Variants in FYN observed in about 807,000 individuals in gnomAD.
FYN encodes FYN proto-oncogene, Src family tyrosine kinase.
In FYN, 10 loss-of-function variants were observed where a neutral mutation model predicts 70.2. The ratio of observed to expected loss-of-function variants is 0.14; its 90% CI spans 0.09 to 0.24. FYN has a LOEUF of 0.24. Among genes scored for constraint, FYN ranks in the 10% least tolerant of loss-of-function variants. The pLI is 1.00. For synonymous variants in FYN, 236 were observed against 248.6 expected (o/e 0.95, Z 0.48); for missense variants, 319 against 673.1 (o/e 0.47, Z 5.82).
intron 2 of FYN, among the ~76,000 whole-genome samples, chr6:111,796,305 C>T (rs544288269): frequency 6.6e-6 from 1 of 152,320 alleles, no homozygotes; most frequent in African/African-American, 2.4e-5. Context: ...CCTAAGATTA[C>T]AATGCTGATA....
chr6:111,719,725 A>G, intron 4 of FYN, 80 bp downstream of exon 4: 1 of 1,501,672 alleles, frequency 6.7e-7, no homozygotes, highest in Non-Finnish European at 9.1e-7. Context: ...AAGGGAAGTG[A>G]TGGGAACCCA....
At chr6:111,755,797 T>G (rs1301644505) in intron 3 of FYN, among the ~76,000 whole-genome samples, 1 of 152,130 alleles carries the variant, frequency 6.6e-6, no homozygotes, top group Non-Finnish European at 1.5e-5. Context: ...AAGAAATAAT[T>G]ATGGTAATTA....
intron 3 of FYN, among the ~76,000 whole-genome samples, chr6:111,729,508 C>T (rs1175989603): frequency 6.0e-5 from 9 of 150,600 alleles, no homozygotes; most frequent in Non-Finnish European, 1.0e-4. Context: ...GGTGGCATGT[C>T]CTTTAACCTG....
intron 2 of FYN, among the ~76,000 whole-genome samples, chr6:111,811,209 T>A (rs1346657707): frequency 2.0e-5 from 3 of 152,222 alleles, no homozygotes; most frequent in African/African-American, 7.2e-5. Flanking sequence ...CTGTATGATT[T>A]CATTTATGAA....
At position 111,694,598 on chromosome 6, in the gene FYN, T is replaced by C. The variant is rs1040286611; in HGVS notation, c.1119+30A>G. On this transcript the variant is annotated intron_variant, in intron 11 of 13. Transcript: ENST00000354650. The surrounding 1 kb of genome is among the most constrained non-coding windows in gnomAD (Gnocchi z 5.0). ...GTACTTAGACACGTCATTAAATCTATGGCACATCAAGTTACCCTGCAGGGC... is the reference window on the plus strand; with the variant it reads ...GTACTTAGACACGTCATTAAATCTACGGCACATCAAGTTACCCTGCAGGGC... The C allele has an allele frequency of 1.6e-5, 26 of 1,613,808 alleles. No individual in the cohort carries two copies. Among genetic ancestry groups the C allele is most frequent in the Non-Finnish European group, 2.0e-5 (24 of 1,179,756 alleles).
chr6:111,809,966 G>C (rs1772272038), intron 2 of FYN, among the ~76,000 whole-genome samples: 1 of 152,148 alleles, frequency 6.6e-6, no homozygotes, highest in East Asian at 1.9e-4. Context: ...TTAGGTTTTA[G>C]TTCTAACTGC....
chr6:111,692,098 AT>A (rs558926434), intron 12 of FYN, among the ~76,000 whole-genome samples: 18 of 129,252 alleles, frequency 1.4e-4, no homozygotes, highest in South Asian at 2.9e-4. Flanking sequence ...GCCAAGCTTC[AT>A]TTCCCCCCCC....
At chr6:111,832,802 A>C (rs1773062670) in intron 2 of FYN, among the ~76,000 whole-genome samples, 1 of 152,172 alleles carries the variant, frequency 6.6e-6, no homozygotes, top group South Asian at 2.1e-4. Flanking sequence ...AATACTAGTC[A>C]ATATATAATT....
chr6:111,848,614 C>T (rs1336800560), intron 1 of FYN, among the ~76,000 whole-genome samples: 1 of 152,162 alleles, frequency 6.6e-6, no homozygotes, highest in East Asian at 1.9e-4. Context: ...AAAAGGAGGA[C>T]ACCACAGCTT....
chr6:111,749,381 A>C (rs376337878), intron 3 of FYN, among the ~76,000 whole-genome samples: 164 of 152,340 alleles, frequency 1.1e-3, no homozygotes, highest in African/African-American at 3.8e-3. Flanking sequence ...TGCTTGCTCT[A>C]TGTACCCCAA....
chr6:111,804,544 T>C (rs1360104352), intron 2 of FYN, among the ~76,000 whole-genome samples: 1 of 152,196 alleles, frequency 6.6e-6, no homozygotes, highest in Non-Finnish European at 1.5e-5. Flanking sequence ...GTAGCTGGAT[T>C]TTGGAAACAA....
intron 3 of FYN, among the ~76,000 whole-genome samples, chr6:111,765,007 G>C (rs754154897): frequency 4.6e-5 from 7 of 151,850 alleles, no homozygotes; most frequent in Non-Finnish European, 1.0e-4. Flanking sequence ...CGTCTTTGTG[G>C]GCTGGGATCA....
intron 3 of FYN, among the ~76,000 whole-genome samples, chr6:111,753,133 G>A (rs1192427340): frequency 6.6e-6 from 1 of 152,204 alleles, no homozygotes; most frequent in Non-Finnish European, 1.5e-5. Flanking sequence ...CATGATATAT[G>A]AAAGACAAGC....
intron 2 of FYN, among the ~76,000 whole-genome samples, chr6:111,839,693 A>C (rs73766764): frequency 0.031 from 4,775 of 152,274 alleles, 245 homozygotes; most frequent in African/African-American, 0.11. Flanking sequence ...CTAATGCAAG[A>C]AAGTTATAAG....
intron 13 of FYN, among the ~76,000 whole-genome samples, chr6:111,662,849 T>C (rs1250734854): frequency 6.6e-6 from 1 of 152,210 alleles, no homozygotes; most frequent in Admixed American, 6.5e-5. Flanking sequence ...AGATAGACCA[T>C]GTCCGGGGCC....
Position 111,674,643 on chromosome 6 carries a change from C to T in FYN, c.1274-13G>A. ...GGGAACTTTGCACCTGCAGAATGAACACTTGGTTATTCATCAGGCAGAGGG... is the reference window on the plus strand; with the variant it reads ...GGGAACTTTGCACCTGCAGAATGAATACTTGGTTATTCATCAGGCAGAGGG... On this transcript the variant is annotated splice_polypyrimidine_tract_variant and intron_variant, in intron 12 of 13. Transcript: ENST00000354650. The T allele has an allele frequency of 1.2e-6, 2 of 1,611,442 alleles. No homozygotes were observed. The highest frequency in any genetic ancestry group is 1.1e-5 in the South Asian group (1 of 90,734).
chr6:111,795,216 CAG>C, intron 2 of FYN, among the ~76,000 whole-genome samples: 1 of 152,112 alleles, frequency 6.6e-6, no homozygotes, highest in African/African-American at 2.4e-5. Context: ...AAAGAGGTAA[CAG>C]AGTTAAAATG....
intron 12 of FYN, among the ~76,000 whole-genome samples, chr6:111,688,089 G>C (rs1799104494): frequency 6.6e-6 from 1 of 152,154 alleles, no homozygotes; most frequent in Admixed American, 6.5e-5. Context: ...AAGTGTTGTG[G>C]GGAGGAGCTG....
intron 3 of FYN, among the ~76,000 whole-genome samples, chr6:111,780,348 G>A (rs991527323): frequency 1.4e-4 from 22 of 152,076 alleles, no homozygotes; most frequent in African/African-American, 4.8e-4. Flanking sequence ...CACTTATTAC[G>A]TTTTAGAAAA....
Sources: allele counts gnomAD v4.1 joint callset (sites outside exome capture counted in the v4.1 genomes callset), GRCh38; gene constraint gnomAD v4.1.1; non-coding constraint Gnocchi (gnomAD v3.1); transcripts MANE v1.5; gene names NCBI Gene and HGNC (gene_info 2026-07-23, HGNC 2026-07-21).